The following ZNF334 variants were observed in gnomAD, a reference collection of about 807,000 sequenced individuals.
ZNF334 encodes zinc finger protein 334.
ZNF334 carries 14 observed loss-of-function variants against 12.4 expected under a neutral mutation model. The observed-to-expected ratio is 1.13, with a 90% confidence interval of 0.74 to 1.76. The LOEUF (loss-of-function observed/expected upper bound fraction) is 1.76. Among genes scored for constraint, ZNF334 ranks in the 40% most tolerant of loss-of-function variants. The probability of loss-of-function intolerance (pLI) is 0.00; values close to 1 mark genes in which losing one functional copy is unlikely to be tolerated. For synonymous variants in ZNF334, 273 were observed against 269.6 expected (o/e 1.01, Z -0.12); for missense variants, 797 against 804.5 (o/e 0.99, Z 0.11).
rs1405407929 is a variant in ZNF334, at chr20:46,501,411, A to G, written c.1928T>C (p.Leu643Pro). 2 of 1,614,018 alleles carry G rather than the reference A, an allele frequency of 1.2e-6. No homozygotes were observed. Among genetic ancestry groups the G allele is most frequent in the Non-Finnish European group, 1.7e-6 (2 of 1,180,024 alleles). ...CGKTYRRLWTLTEHQKIHTGE... is the reference protein window; with the variant it reads ...CGKTYRRLWTPTEHQKIHTGE... ...TGTGTGTATTTTCTGATGTTCAGTGAGAGTCCACAGGCGACGGTAGGTTTT... is the reference window on the plus strand; with the variant it reads ...TGTGTGTATTTTCTGATGTTCAGTGGGAGTCCACAGGCGACGGTAGGTTTT... Residue 643 changes from leucine to proline, a missense_variant, in exon 5 of 5, where the codon CTC (leucine) becomes CCC (proline). Leu to Pro is a moderately conservative substitution (Grantham distance 98). Transcript: ENST00000692313.
At chr20:46,478,320 G>A in the ZNF334 span, among the ~76,000 whole-genome samples, 2 of 152,222 alleles carry the variant, frequency 1.3e-5, no homozygotes, top group East Asian at 3.9e-4. Context: ...GTTCAGTCTG[G>A]AAAGGTGGGA....
At chr20:46,479,556 G>A in the ZNF334 span, among the ~76,000 whole-genome samples, 6 of 152,178 alleles carry the variant, frequency 3.9e-5, no homozygotes, top group African/African-American at 4.8e-5. Flanking sequence ...CCTGACTCTA[G>A]TGTAGCATCA....
At chr20:46,467,607 T>C in the ZNF334 span, among the ~76,000 whole-genome samples, 1 of 152,240 alleles carries the variant, frequency 6.6e-6, no homozygotes. Context: ...GCTCTGATGT[T>C]GTATTGAGTC....
In ZNF334 at chr20:46,502,118, A is replaced by G; in HGVS notation, c.1221T>C (p.Cys407=). ...AAAAGAAGGTTTTCTCACATTCACTACATTCATAGGGTTTTTCCCCTGTGT... is the reference window on the plus strand; with the variant it reads ...AAAAGAAGGTTTTCTCACATTCACTGCATTCATAGGGTTTTTCCCCTGTGT... ...RIHTGEKPYE[C]SECEKTFFCQ... is the part of the protein sequence containing the mutation. Residue 407 remains cysteine (C), a synonymous_variant, in exon 5 of 5, where the codon TGT becomes TGC. Transcript: ENST00000692313. The G allele has an allele frequency of 6.2e-7, 1 of 1,614,202 alleles. No individual in the cohort carries two copies. The highest frequency in any genetic ancestry group is 1.1e-5 in the South Asian group (1 of 91,084).
chr20:46,464,686 A>G, the ZNF334 span: 1 of 407,486 alleles, frequency 2.5e-6, no homozygotes, highest in South Asian at 1.9e-5. Context: ...CTAGGGGCAA[A>G]GCAGCTTGTT....
At chr20:46,511,794 A>G (rs1369889183) in intron 2 of ZNF334, among the ~76,000 whole-genome samples, 2 of 152,168 alleles carry the variant, frequency 1.3e-5, no homozygotes, top group Non-Finnish European at 2.9e-5. Context: ...AACTGTCTCT[A>G]CTTCACTTAC....
intron 2 of ZNF334, chr20:46,506,493 G>T: frequency 2.5e-6 from 1 of 401,774 alleles, no homozygotes. Context: ...GCCAGGCATG[G>T]TGGCATGTGC....
the ZNF334 span, chr20:46,474,621 A>G: frequency 3.3e-5 from 5 of 152,170 alleles, no homozygotes; most frequent in Non-Finnish European, 5.9e-5. Flanking sequence ...GAGGCCTACC[A>G]CCTCTGCAAG....
At position 46,502,894 on chromosome 20, in the gene ZNF334, C is replaced by A. The variant is rs1772927916; in HGVS notation, c.445G>T (p.Val149Leu). The change falls in exon 5 of 5, where the codon GTA (valine) becomes TTA (leucine). Residue 149 changes from valine to leucine, a missense_variant. By Grantham distance (32) the Val-to-Leu change is conservative. Coordinates refer to ENST00000692313, the MANE Select transcript of ZNF334 (RefSeq NM_001353824.2). ...TCTTTGCTTTTCTTTGCAACAATTA[C>A]TTCTGAATTAGTTTTCAAACTGTTT... Reference protein sequence around the residue: ...GGNSLKTNSEVIVAKKSKENR... With the variant: ...GGNSLKTNSELIVAKKSKENR... 1 of 1,613,624 alleles carries A rather than the reference C, an allele frequency of 6.2e-7. No individual in the cohort carries two copies. The highest frequency in any genetic ancestry group is 1.3e-5 in the African/African-American group (1 of 74,884).
downstream of ZNF334, among the ~76,000 whole-genome samples, chr20:46,496,253 G>A (rs997729942): frequency 6.6e-6 from 1 of 152,136 alleles, no homozygotes; most frequent in African/African-American, 2.4e-5. Flanking sequence ...TCTTTCCTAA[G>A]GCATGCTGTA....
chr20:46,491,555 A>G, the ZNF334 span: 2,261 of 153,154 alleles, frequency 0.015, 21 homozygotes, highest in Middle Eastern at 0.034. Context: ...GAAAACTCAT[A>G]CTGGAGAGAA....
chr20:46,467,079 T>TA, the ZNF334 span, among the ~76,000 whole-genome samples: 1 of 152,056 alleles, frequency 6.6e-6, no homozygotes, highest in Non-Finnish European at 1.5e-5. Flanking sequence ...CAATACACTG[T>TA]AAAAAATCTA....
At chr20:46,476,982 T>G in the ZNF334 span, 1 of 152,180 alleles carries the variant, frequency 6.6e-6, no homozygotes, top group African/African-American at 2.4e-5. Flanking sequence ...CATACACCGA[T>G]GGGATTTCAA....
chr20:46,473,332 G>A, the ZNF334 span, among the ~76,000 whole-genome samples: 1 of 152,040 alleles, frequency 6.6e-6, no homozygotes, highest in Non-Finnish European at 1.5e-5. Context: ...TTGCTTCCTT[G>A]CATTGTATGG....
At chr20:46,506,819 G>C (rs2061449338) in intron 2 of ZNF334, among the ~76,000 whole-genome samples, 1 of 151,928 alleles carries the variant, frequency 6.6e-6, no homozygotes, top group Non-Finnish European at 1.5e-5. Context: ...TTGATTCTTA[G>C]AACTATGGTA....
the ZNF334 span, chr20:46,484,403 A>G: frequency 6.0e-6 from 1 of 167,086 alleles, no homozygotes; most frequent in Non-Finnish European, 1.5e-5. Flanking sequence ...TTTGAAAGAT[A>G]TCTACCAGAG....
At chr20:46,494,112 T>G in the ZNF334 span, among the ~76,000 whole-genome samples, 1 of 152,246 alleles carries the variant, frequency 6.6e-6, no homozygotes, top group Non-Finnish European at 1.5e-5. Flanking sequence ...TTTCTTGTTG[T>G]ATGTCTTAAA....
At chr20:46,480,758 T>C in the ZNF334 span, among the ~76,000 whole-genome samples, 1 of 152,308 alleles carries the variant, frequency 6.6e-6, no homozygotes, top group Admixed American at 6.5e-5. Context: ...TAGGCTCAGA[T>C]GCATGCTGGG....
chr20:46,511,574 G>A (rs1358577299), intron 2 of ZNF334, among the ~76,000 whole-genome samples: 1 of 152,114 alleles, frequency 6.6e-6, no homozygotes, highest in African/African-American at 2.4e-5. Context: ...ATAAAGTTAT[G>A]GGGCATTATT....
Sources: allele counts gnomAD v4.1 joint callset (sites outside exome capture counted in the v4.1 genomes callset), GRCh38; gene constraint gnomAD v4.1.1; transcripts MANE v1.5; gene names NCBI Gene and HGNC (gene_info 2026-07-23, HGNC 2026-07-21).